The following LRMDA variants were observed in gnomAD, a reference collection of about 807,000 sequenced individuals.
LRMDA encodes the protein leucine-rich melanocyte differentiation-associated protein.
A neutral mutation model predicts 29.8 loss-of-function variants in LRMDA; 18 were observed. The observed-to-expected ratio is 0.60, with a 90% CI of 0.42 to 0.90. The LOEUF is 0.90. Among genes scored for constraint, LRMDA ranks in the 40% least tolerant of loss-of-function variants. The pLI is 0.00. For synonymous variants in LRMDA, 125 were observed against 109.4 expected, an observed-to-expected ratio of 1.14 and a Z score of -0.89; for missense variants, 273 against 273.9, an observed-to-expected ratio of 1.00 and a Z score of 0.02.
chr10:75,514,136 C>T lies in LRMDA; in HGVS notation c.131+75642C>T, dbSNP rs755263541. Among the ~76,000 whole-genome samples the T allele has an allele frequency of 2.1e-4, 32 of 149,598 alleles. No individual in the cohort carries two copies. In the Middle Eastern group the frequency reaches 0.011, roughly 49 times the overall value. ...CCTAGCTTCATTCCTGTCTGTGGTA[C>T]AGATTCAAAGGCAGTCCTCCTTTAC... is the stretch of plus-strand genomic sequence containing the variant. On this transcript the variant is annotated intron_variant, in intron 2 of 6. Transcript: ENST00000611255.
intron 2 of LRMDA, among the ~76,000 whole-genome samples, chr10:75,799,197 C>A (rs1428047284): frequency 6.6e-6 from 1 of 152,130 alleles, no homozygotes; most frequent in African/African-American, 2.4e-5. Context: ...TCAATTTTTT[C>A]TTTTACCTCT....
chr10:75,637,365 A>C (rs1434831277), intron 2 of LRMDA, among the ~76,000 whole-genome samples: 2 of 152,164 alleles, frequency 1.3e-5, no homozygotes, highest in Non-Finnish European at 2.9e-5. Flanking sequence ...GGAGCTATTG[A>C]CAGTACATAC....
chr10:75,860,442 C>A (rs1844909001), intron 2 of LRMDA, among the ~76,000 whole-genome samples: 1 of 151,518 alleles, frequency 6.6e-6, no homozygotes, highest in South Asian at 2.1e-4. Context: ...CTGCCTCAGC[C>A]TCCTGAGTAT....
chr10:75,597,028 C>T (rs1233249207), intron 2 of LRMDA, among the ~76,000 whole-genome samples: 1 of 151,442 alleles, frequency 6.6e-6, no homozygotes, highest in African/African-American at 2.4e-5. Flanking sequence ...TCTCCCTCTC[C>T]CCCTCTCCCT....
rs575190621 is a variant in LRMDA, at chr10:76,174,297, ATTAAT to A, written c.516+115521_516+115525del. On this transcript the variant is annotated intron_variant, in intron 5 of 6. Transcript: ENST00000611255. Reference sequence around the variant, plus strand: ...CCATTACCCACAAAAATTTTAAAAAATTAATTTAATTAAAAAATTTTTAAAAAATT... The same window carrying A: ...CCATTACCCACAAAAATTTTAAAAAATTAATTAAAAAATTTTTAAAAAATT... Among the ~76,000 whole-genome samples the A allele has an allele frequency of 4.6e-3, 705 of 152,260 alleles. 4 individuals are homozygous for A. Among genetic ancestry groups the A allele is most frequent in the African/African-American group, 0.016 (684 of 41,578 alleles).
intron 2 of LRMDA, among the ~76,000 whole-genome samples, chr10:76,030,204 T>A (rs1848126126): frequency 6.6e-6 from 1 of 152,198 alleles, no homozygotes; most frequent in African/African-American, 2.4e-5. Context: ...TTTCTATTCA[T>A]CTTGATACAC....
chr10:76,037,163 A>T (rs781159487), intron 3 of LRMDA, among the ~76,000 whole-genome samples: 2 of 152,232 alleles, frequency 1.3e-5, no homozygotes, highest in African/African-American at 2.4e-5. Flanking sequence ...ACAGCCAGAC[A>T]CTAGCAAGAT....
intron 2 of LRMDA, among the ~76,000 whole-genome samples, chr10:75,511,588 T>C (rs1845226604): frequency 6.6e-6 from 1 of 152,186 alleles, no homozygotes; most frequent in Admixed American, 6.5e-5. Context: ...TTCAGCACTG[T>C]TGTCCCCCAC....
chr10:76,091,457 G>A (rs1849231400), intron 5 of LRMDA, among the ~76,000 whole-genome samples: 1 of 152,138 alleles, frequency 6.6e-6, no homozygotes, highest in African/African-American at 2.4e-5. Context: ...CAGTTCCCCT[G>A]CATGTCTTTA....
chr10:76,287,570 T>C (rs1284820332), intron 5 of LRMDA, among the ~76,000 whole-genome samples: 2 of 152,068 alleles, frequency 1.3e-5, no homozygotes, highest in African/African-American at 4.8e-5. Flanking sequence ...GTATTTATTA[T>C]AATAAAATAA....
chr10:75,733,311 T>C (rs1245870132), intron 2 of LRMDA, among the ~76,000 whole-genome samples: 3 of 152,220 alleles, frequency 2.0e-5, no homozygotes, highest in Non-Finnish European at 2.9e-5. Context: ...AATTGATTCC[T>C]GTGTTTTACC....
At chr10:76,357,990 C>A (rs1841263447) in intron 6 of LRMDA, among the ~76,000 whole-genome samples, 1 of 152,140 alleles carries the variant, frequency 6.6e-6, no homozygotes, top group South Asian at 2.1e-4. Context: ...GAAGTGTGTA[C>A]AAAGCCTGTT....
chr10:75,805,035 C>T (rs529326183), intron 2 of LRMDA, among the ~76,000 whole-genome samples: 4 of 152,116 alleles, frequency 2.6e-5, no homozygotes, highest in African/African-American at 9.7e-5. Context: ...CACCTTCTGC[C>T]TCAACTACTC....
At chr10:76,023,342 G>A (rs939227722) in intron 2 of LRMDA, among the ~76,000 whole-genome samples, 9 of 152,092 alleles carry the variant, frequency 5.9e-5, no homozygotes, top group African/African-American at 2.2e-4. Flanking sequence ...AAAAGCAGGC[G>A]GGAGTTCTTT....
chr10:75,581,041 T>G (rs1164343494), intron 2 of LRMDA, among the ~76,000 whole-genome samples: 1 of 152,016 alleles, frequency 6.6e-6, no homozygotes, highest in Non-Finnish European at 1.5e-5. Flanking sequence ...ACCAAAAGCT[T>G]TGGCAACAAA....
intron 5 of LRMDA, among the ~76,000 whole-genome samples, chr10:76,070,865 T>G (rs1340107830): frequency 6.6e-6 from 1 of 151,990 alleles, no homozygotes; most frequent in Non-Finnish European, 1.5e-5. Context: ...TTTGTTCTTG[T>G]GGGAATGGTA....
chr10:76,318,089 T>C (rs1840722351), intron 5 of LRMDA, among the ~76,000 whole-genome samples: 1 of 152,230 alleles, frequency 6.6e-6, no homozygotes, highest in African/African-American at 2.4e-5. Context: ...TTTAGATGGT[T>C]TTATTTTTGT....
chr10:75,752,626 A>T (rs970505585), intron 2 of LRMDA, among the ~76,000 whole-genome samples: 1 of 152,214 alleles, frequency 6.6e-6, no homozygotes, highest in Non-Finnish European at 1.5e-5. Flanking sequence ...GTTTTGGGTC[A>T]TGGTGGTTTG....
intron 2 of LRMDA, among the ~76,000 whole-genome samples, chr10:75,515,335 T>A (rs1485922330): frequency 6.6e-6 from 1 of 152,178 alleles, no homozygotes; most frequent in African/African-American, 2.4e-5. Context: ...AATGTGCAAA[T>A]GTCAGGGAAT....
Sources: allele counts gnomAD v4.1 joint callset (sites outside exome capture counted in the v4.1 genomes callset), GRCh38; gene constraint gnomAD v4.1.1; transcripts MANE v1.5; gene names NCBI Gene and HGNC (gene_info 2026-07-23, HGNC 2026-07-21).